The following PPA2 variants were observed in gnomAD, a reference collection of about 807,000 sequenced individuals.
PPA2 encodes the protein inorganic pyrophosphatase 2, mitochondrial.
Under a neutral mutation model 49.5 loss-of-function variants are expected in PPA2, and 48 were observed. The ratio of observed to expected loss-of-function variants is 0.97; its 90% CI spans 0.77 to 1.23. PPA2 has a LOEUF of 1.23. Among genes scored for constraint, PPA2 ranks in the 50% most tolerant of loss-of-function variants. The pLI is 0.00. For missense variants in PPA2, 429 were observed against 410.1 expected, an observed-to-expected ratio of 1.05 and a Z score of -0.40; for synonymous variants, 131 against 139.9, an observed-to-expected ratio of 0.94 and a Z score of 0.45.
intron 2 of PPA2, chr4:105,456,472 A>G (rs1319086091): frequency 3.8e-6 from 2 of 523,816 alleles, no homozygotes; most frequent in Non-Finnish European, 7.0e-6. Flanking sequence ...ATGTACCAGT[A>G]ACACCCCTTT....
At chr4:105,404,061 A>G (rs1020279253) in intron 7 of PPA2, among the ~76,000 whole-genome samples, 49 of 152,096 alleles carry the variant, frequency 3.2e-4, no homozygotes, top group Admixed American at 3.1e-3. Context: ...CCAAATTGAT[A>G]AGGTATATTT....
intron 6 of PPA2, among the ~76,000 whole-genome samples, chr4:105,437,142 C>T (rs528715738): frequency 1.3e-5 from 2 of 152,200 alleles, no homozygotes; most frequent in South Asian, 2.1e-4. Flanking sequence ...CACGAACCAA[C>T]ATTTCTCAAA....
chr4:105,388,587 G>T (rs967890728), intron 9 of PPA2, among the ~76,000 whole-genome samples: 4 of 152,108 alleles, frequency 2.6e-5, no homozygotes, highest in African/African-American at 7.2e-5. Flanking sequence ...CACTTTGGGA[G>T]GCCAAGGTGG....
chr4:105,451,000 T>C (rs972568396), intron 3 of PPA2, among the ~76,000 whole-genome samples: 1 of 152,180 alleles, frequency 6.6e-6, no homozygotes, highest in African/African-American at 2.4e-5. Flanking sequence ...TAGTCTTTCA[T>C]CCCAAATCAT....
chr4:105,458,435 TAC>T (rs750909873), intron 1 of PPA2, among the ~76,000 whole-genome samples: 8 of 152,190 alleles, frequency 5.3e-5, no homozygotes, highest in Non-Finnish European at 1.0e-4. Context: ...TGGAATCCTG[TAC>T]TAACTTTGCA....
intron 7 of PPA2, among the ~76,000 whole-genome samples, chr4:105,408,327 C>T (rs1722582934): frequency 6.6e-6 from 1 of 152,080 alleles, no homozygotes; most frequent in Non-Finnish European, 1.5e-5. Context: ...AAACAGTGTG[C>T]ATGGCTAGGA....
chr4:105,378,363 G>C (rs2110364587), intron 10 of PPA2, among the ~76,000 whole-genome samples: 1 of 152,010 alleles, frequency 6.6e-6, no homozygotes, highest in East Asian at 1.9e-4. Context: ...CATATATTTT[G>C]TACTTTTTAA....
chr4:105,433,274 T>C (rs1723896779), intron 6 of PPA2, among the ~76,000 whole-genome samples: 1 of 152,202 alleles, frequency 6.6e-6, no homozygotes. Context: ...TAAAAGGGCA[T>C]GTAACCATTG....
chr4:105,369,924 C>T (rs905703656), intron 11 of PPA2, among the ~76,000 whole-genome samples, 171 bp from the exon 12 acceptor site: 3 of 152,220 alleles, frequency 2.0e-5, no homozygotes, highest in Non-Finnish European at 4.4e-5. Context: ...TTCAAACTTT[C>T]GTCCCAAGTT....
intron 9 of PPA2, among the ~76,000 whole-genome samples, chr4:105,391,218 T>C (rs149758920): frequency 1.2e-3 from 186 of 151,592 alleles, no homozygotes; most frequent in African/African-American, 4.2e-3. Context: ...TTAGGACAAA[T>C]GGCTGATGCA....
chr4:105,448,219 A>G (rs1467777101), intron 4 of PPA2: 1 of 201,460 alleles, frequency 5.0e-6, no homozygotes, highest in African/African-American at 2.4e-5. Context: ...ATGATGAAAC[A>G]TTATACATGA....
At chr4:105,462,853 CAT>C (rs1288967914) in intron 1 of PPA2, among the ~76,000 whole-genome samples, 4 of 152,184 alleles carry the variant, frequency 2.6e-5, no homozygotes, top group Non-Finnish European at 4.4e-5. Context: ...CGTCTGCCAC[CAT>C]ATGAGACGTG....
At chr4:105,379,586 C>T (rs1733399263) in intron 10 of PPA2, among the ~76,000 whole-genome samples, 2 of 151,746 alleles carry the variant, frequency 1.3e-5, no homozygotes, top group Non-Finnish European at 2.9e-5. Flanking sequence ...GCCTCAGCCT[C>T]CCCAGTAGCT....
chr4:105,465,270 T>C (rs1723254983), intron 1 of PPA2, among the ~76,000 whole-genome samples: 2 of 152,254 alleles, frequency 1.3e-5, no homozygotes, highest in Non-Finnish European at 2.9e-5. Flanking sequence ...TGGTTCAGCT[T>C]CTATTTTTCT....
rs553985138 is a variant in PPA2, at chr4:105,448,816, A to T, written c.321+534T>A. Reference sequence around the variant, plus strand: ...TTTGCCATTTTCAAAGGAGAAAAAAAGAAAATTAATATGTATATAACAAAC... The same window carrying T: ...TTTGCCATTTTCAAAGGAGAAAAAATGAAAATTAATATGTATATAACAAAC... On this transcript the variant is annotated intron_variant, in intron 4 of 11. Coordinates refer to ENST00000341695, the MANE Select transcript of PPA2 (RefSeq NM_176869.3). Among the ~76,000 whole-genome samples, 11 of 152,266 alleles carry T rather than the reference A, an allele frequency of 7.2e-5. 1 individual carries two copies. The East Asian group carries it at 2.1e-3, about 29-fold the overall frequency.
chr4:105,448,634 G>T (rs1400143383), intron 4 of PPA2, among the ~76,000 whole-genome samples: 2 of 149,592 alleles, frequency 1.3e-5, no homozygotes, highest in Non-Finnish European at 3.0e-5. Flanking sequence ...GTCATAAATT[G>T]AGTTAACCAG....
intron 7 of PPA2, among the ~76,000 whole-genome samples, chr4:105,417,258 A>G (rs534676103): frequency 6.6e-6 from 1 of 152,288 alleles, no homozygotes; most frequent in Non-Finnish European, 1.5e-5. Context: ...TAATCCTTTA[A>G]TTTAAACTGG....
chr4:105,413,990 C>G (rs1722882038), intron 7 of PPA2, among the ~76,000 whole-genome samples: 1 of 152,146 alleles, frequency 6.6e-6, no homozygotes, highest in African/African-American at 2.4e-5. Context: ...TGCAAAAACT[C>G]TGGTATACCA....
At chr4:105,456,985 G>C (rs1722899185) in intron 1 of PPA2, among the ~76,000 whole-genome samples, 1 of 151,844 alleles carries the variant, frequency 6.6e-6, no homozygotes, top group Admixed American at 6.6e-5. Context: ...TATCCCTGTG[G>C]CTTAAAATAT....
Sources: gnomAD v4.1 joint callset for allele counts (sites outside exome capture counted in the v4.1 genomes callset) on GRCh38, gnomAD v4.1.1 for gene constraint, MANE v1.5 for transcripts, NCBI Gene and HGNC (gene_info 2026-07-23, HGNC 2026-07-21) for gene names.